LRRC7: variants seen among roughly 807,000 people sequenced by gnomAD.
LRRC7 encodes the protein leucine-rich repeat-containing protein 7.
LRRC7 carries 23 observed loss-of-function variants against 175.7 expected under a neutral mutation model. The observed-to-expected ratio is 0.13, with a 90% CI of 0.09 to 0.19. The LOEUF (loss-of-function observed/expected upper bound fraction) is 0.19. LRRC7 is among the 10% of genes least tolerant of loss of function. LRRC7 has a pLI of 1.00. For synonymous variants in LRRC7, 685 were observed against 680.9 expected (o/e 1.01, Z -0.09); for missense variants, 1,354 against 1,904.7 (o/e 0.71, Z 5.38).
chr1:69,843,565 T>G (rs1570278737), intron 7 of LRRC7, among the ~76,000 whole-genome samples: 1 of 152,250 alleles, frequency 6.6e-6, no homozygotes, highest in East Asian at 1.9e-4. Flanking sequence ...ATTTTATCCC[T>G]TGGGCATCAT....
intron 22 of LRRC7, among the ~76,000 whole-genome samples, chr1:70,049,289 C>G (rs972211208): frequency 4.6e-5 from 7 of 152,138 alleles, no homozygotes; most frequent in Non-Finnish European, 1.0e-4. Context: ...ATATTTGCAC[C>G]TAAACTATTT....
chr1:70,084,906 A>G (rs1257654746), intron 24 of LRRC7, among the ~76,000 whole-genome samples: 1 of 152,122 alleles, frequency 6.6e-6, no homozygotes, highest in Non-Finnish European at 1.5e-5. Context: ...AATGATATTG[A>G]GTATATTTTC....
chr1:70,111,477 G>C (rs1665524132), intron 26 of LRRC7, among the ~76,000 whole-genome samples: 1 of 152,088 alleles, frequency 6.6e-6, no homozygotes, highest in East Asian at 1.9e-4. Flanking sequence ...AGAAAAAACT[G>C]AAAGCACATG....
intron 5 of LRRC7, among the ~76,000 whole-genome samples, chr1:69,831,947 C>T (rs572021809): frequency 6.6e-6 from 1 of 152,190 alleles, no homozygotes; most frequent in East Asian, 1.9e-4. Context: ...CATAGTTTCA[C>T]TTAAATTTGC....
chr1:69,716,197 C>T, intron 2 of LRRC7: 1 of 482,940 alleles, frequency 2.1e-6, no homozygotes, highest in South Asian at 5.0e-5. Context: ...TAGAAGTCTG[C>T]AGAGACAGGA....
intron 7 of LRRC7, among the ~76,000 whole-genome samples, chr1:69,904,193 CTG>C (rs1317702125): frequency 6.6e-6 from 1 of 152,026 alleles, no homozygotes; most frequent in Non-Finnish European, 1.5e-5. Flanking sequence ...GAAGGAATAA[CTG>C]TGTGGAGTCA....
At chr1:69,581,659 G>A (rs1356524389) in intron 1 of LRRC7, among the ~76,000 whole-genome samples, 2 of 151,832 alleles carry the variant, frequency 1.3e-5, no homozygotes, top group Non-Finnish European at 2.9e-5. Context: ...GAAATGAATT[G>A]AATACTTCTA....
chr1:70,083,120 T>G (rs1420090781), intron 24 of LRRC7, among the ~76,000 whole-genome samples: 2 of 152,092 alleles, frequency 1.3e-5, no homozygotes, highest in Non-Finnish European at 1.5e-5. Flanking sequence ...TAACTAGGAA[T>G]TTTAGCTGGA....
intron 8 of LRRC7, among the ~76,000 whole-genome samples, chr1:69,963,875 A>G (rs747079332): frequency 3.9e-5 from 6 of 152,146 alleles, no homozygotes; most frequent in East Asian, 1.9e-4. Flanking sequence ...GGGTTTGTCT[A>G]TTTTGTTTGC....
At chr1:69,924,310 T>C (rs1646988331) in intron 7 of LRRC7, among the ~76,000 whole-genome samples, 1 of 152,004 alleles carries the variant, frequency 6.6e-6, no homozygotes, top group South Asian at 2.1e-4. Context: ...CCATATGAAC[T>C]TTAAAGTAGT....
chr1:69,811,229 C>G (rs1330805756), intron 4 of LRRC7, among the ~76,000 whole-genome samples: 1 of 152,256 alleles, frequency 6.6e-6, no homozygotes, highest in East Asian at 1.9e-4. Flanking sequence ...GATACCATCT[C>G]ACATCAGTTA....
intron 7 of LRRC7, among the ~76,000 whole-genome samples, chr1:69,868,334 C>CT (rs753193895): frequency 2.0e-5 from 3 of 151,844 alleles, no homozygotes; most frequent in Non-Finnish European, 4.4e-5. Context: ...GGTAATTTTT[C>CT]TTTTTTTTCT....
chr1:69,663,235 A>C (rs1415659272), intron 1 of LRRC7, among the ~76,000 whole-genome samples: 2 of 152,000 alleles, frequency 1.3e-5, no homozygotes, highest in Non-Finnish European at 2.9e-5. Flanking sequence ...TATGTTCAAC[A>C]GTCATGCCAA....
intron 2 of LRRC7, among the ~76,000 whole-genome samples, chr1:69,748,870 C>T (rs1669531582): frequency 6.6e-6 from 1 of 152,098 alleles, no homozygotes; most frequent in Non-Finnish European, 1.5e-5. Context: ...TGGGTCAAGC[C>T]TTCAGATATT....
chr1:69,591,098 A>C (rs1646614670), intron 1 of LRRC7, among the ~76,000 whole-genome samples: 1 of 152,118 alleles, frequency 6.6e-6, no homozygotes, highest in South Asian at 2.1e-4. Flanking sequence ...AATTCTAAAA[A>C]ATCCTATTAA....
chr1:69,641,553 T>C (rs1654211762), intron 1 of LRRC7, among the ~76,000 whole-genome samples: 1 of 151,662 alleles, frequency 6.6e-6, no homozygotes, highest in African/African-American at 2.4e-5. Flanking sequence ...TACAAGCTAC[T>C]TATAATTTGT....
intron 1 of LRRC7, chr1:69,607,424 C>T (rs1557474575): frequency 1.3e-5 from 2 of 151,998 alleles, no homozygotes; most frequent in Non-Finnish European, 2.9e-5. Context: ...ACAGGCCCCT[C>T]CCAATATTTT....
intron 1 of LRRC7, among the ~76,000 whole-genome samples, chr1:69,626,571 T>G (rs1442473760): frequency 6.6e-6 from 1 of 151,842 alleles, no homozygotes; most frequent in Non-Finnish European, 1.5e-5. Flanking sequence ...TTATTATGAT[T>G]ATTATTATTA....
At chr1:69,791,860 A>G (rs908405109) in intron 3 of LRRC7, among the ~76,000 whole-genome samples, 183 bp from the exon 4 acceptor site, 2 of 152,010 alleles carry the variant, frequency 1.3e-5, no homozygotes, top group Admixed American at 1.3e-4. Flanking sequence ...AGGCACTAAC[A>G]TGGGAATAGA....
Sources: allele counts gnomAD v4.1 joint callset (sites outside exome capture counted in the v4.1 genomes callset), GRCh38; gene constraint gnomAD v4.1.1; transcripts MANE v1.5; gene names NCBI Gene and HGNC (gene_info 2026-07-23, HGNC 2026-07-21).